Variants in EXD3 observed in about 807,000 individuals in gnomAD.
The protein encoded by EXD3 is exonuclease mut-7 homolog.
EXD3 carries 92 observed loss-of-function variants against 98.0 expected under a neutral mutation model. The observed-to-expected ratio is 0.94, with a 90% CI of 0.79 to 1.12. EXD3 has a LOEUF of 1.12. Ranked by LOEUF, EXD3 falls within the 50% of genes most tolerant of loss-of-function variation. The pLI is 0.00. For synonymous variants in EXD3, 569 were observed against 526.0 expected (o/e 1.08, Z -1.12); for missense variants, 1,222 against 1,191.6 (o/e 1.03, Z -0.38).
intron 1 of EXD3, among the ~76,000 whole-genome samples, chr9:137,415,546 T>C (rs1324555784): frequency 6.6e-6 from 1 of 152,190 alleles, no homozygotes; most frequent in African/African-American, 2.4e-5. Flanking sequence ...GTTTTAGCTC[T>C]GCGGCAAGCT....
intron 8 of EXD3, among the ~76,000 whole-genome samples, chr9:137,355,282 TC>T (rs1419539392): frequency 6.6e-6 from 1 of 151,974 alleles, no homozygotes; most frequent in Non-Finnish European, 1.5e-5. Context: ...TGAGCCCTTT[TC>T]CCCCAGGGTG....
chr9:137,339,186 A>G (rs1833525186), intron 17 of EXD3, among the ~76,000 whole-genome samples: 1 of 152,178 alleles, frequency 6.6e-6, no homozygotes, highest in Admixed American at 6.6e-5. Context: ...CTCCCCAAAG[A>G]AAACATCAGG....
At chr9:137,419,302 G>A (rs1363247885) in intron 1 of EXD3, among the ~76,000 whole-genome samples, 1 of 152,172 alleles carries the variant, frequency 6.6e-6, no homozygotes, top group African/African-American at 2.4e-5. Flanking sequence ...CCTGCCAATC[G>A]CGTCTTCACC....
At chr9:137,370,648 C>T (rs1271522602) in intron 5 of EXD3, among the ~76,000 whole-genome samples, 2 of 151,298 alleles carry the variant, frequency 1.3e-5, no homozygotes, top group Admixed American at 6.6e-5. Flanking sequence ...GTGGTATCGA[C>T]CATCGGGAAG....
At chr9:137,314,679 C>A (rs1831546990) in intron 19 of EXD3, among the ~76,000 whole-genome samples, 1 of 152,146 alleles carries the variant, frequency 6.6e-6, no homozygotes. Flanking sequence ...CAGCCGCTGC[C>A]CCGTCCCCTT....
Position 137,307,160 on chromosome 9 carries a change from G to A in EXD3, c.2421C>T (p.Asp807=), listed in dbSNP as rs375289849. Reference sequence around the variant, plus strand: ...CCCCTGCCAGCTGCAGCCGGGTGCCGTCGGCCAGCATGTCCGGTGTCTCCG... The same window carrying A: ...CCCCTGCCAGCTGCAGCCGGGTGCCATCGGCCAGCATGTCCGGTGTCTCCG... ...LRAETPDMLA[D]GTRLQLAGVP... is the part of the protein sequence containing the mutation. The change falls in exon 22 of 22, where the codon GAC becomes GAT. Residue 807 remains aspartate (D), a synonymous_variant. Coordinates refer to ENST00000340951, the MANE Select transcript of EXD3 (RefSeq NM_017820.5). 44 of 1,589,988 alleles carry A rather than the reference G, an allele frequency of 2.8e-5. No individual in the cohort carries two copies. The highest frequency in any genetic ancestry group is 1.7e-4 in the African/African-American group (13 of 74,408).
At chr9:137,422,125 A>AC (rs1838554095) in intron 1 of EXD3, among the ~76,000 whole-genome samples, 1 of 151,558 alleles carries the variant, frequency 6.6e-6, no homozygotes, top group African/African-American at 2.4e-5. Context: ...AAAAAAAAAA[A>AC]AAAAAAAAAC....
At chr9:137,412,826 G>A (rs566827096) in intron 1 of EXD3, among the ~76,000 whole-genome samples, 1 of 152,272 alleles carries the variant, frequency 6.6e-6, no homozygotes, top group East Asian at 1.9e-4. Flanking sequence ...CGCCCAGGAT[G>A]GAGTGCGGTG....
rs907669736 is a variant in EXD3, at chr9:137,385,017, G to A, written c.56-1640C>T. 6.6e-6 allele frequency among the ~76,000 whole-genome samples: 1 copy of A among 152,122 alleles called. No individual in the cohort carries two copies. Among genetic ancestry groups the A allele is most frequent in the African/African-American group, 2.4e-5 (1 of 41,448 alleles). On this transcript the variant is annotated intron_variant, in intron 2 of 21. Transcript: ENST00000340951. The surrounding 1 kb of genome is among the most constrained non-coding windows in gnomAD (Gnocchi z 4.4). ...TGAGGCAGGAGAACAGCATGAACCC[G>A]GGAGGCGGAGGTCGCAGTGAGCCGA...
At chr9:137,344,954 A>T (rs1833844360) in intron 17 of EXD3, among the ~76,000 whole-genome samples, 1 of 151,652 alleles carries the variant, frequency 6.6e-6, no homozygotes, top group African/African-American at 2.4e-5. Flanking sequence ...TGTACCTTCC[A>T]CTGTCTGGAG....
intron 14 of EXD3, among the ~76,000 whole-genome samples, chr9:137,350,450 G>A (rs1184733408): frequency 1.6e-4 from 20 of 121,556 alleles, no homozygotes; most frequent in Admixed American, 1.6e-3. Context: ...AGATAGAGAG[G>A]GGTGGGGATC....
At chr9:137,323,638 G>C (rs1340048099) in intron 19 of EXD3, 87 bp downstream of exon 19, 2 of 1,543,800 alleles carry the variant, frequency 1.3e-6, no homozygotes, top group Non-Finnish European at 1.8e-6. Flanking sequence ...ACCCACCACT[G>C]TCTAGGGTGG....
chr9:137,422,751 C>T (rs1368829606), intron 1 of EXD3, among the ~76,000 whole-genome samples: 1 of 152,056 alleles, frequency 6.6e-6, no homozygotes, highest in East Asian at 1.9e-4. Context: ...GGCGCGCGCG[C>T]GTCCCACCGG....
At chr9:137,381,522 C>T (rs563997773) in intron 3 of EXD3, among the ~76,000 whole-genome samples, 2 of 151,948 alleles carry the variant, frequency 1.3e-5, no homozygotes, top group African/African-American at 2.4e-5. Flanking sequence ...TCTGGGAGTG[C>T]GCCTACTCCA....
chr9:137,333,348 C>T (rs944142345), intron 17 of EXD3, among the ~76,000 whole-genome samples: 9 of 152,300 alleles, frequency 5.9e-5, no homozygotes, highest in Non-Finnish European at 1.2e-4. Flanking sequence ...TGAGACTTCA[C>T]CTTGTGATCC....
At position 137,399,874 on chromosome 9, in the gene EXD3, T is replaced by A. The variant is rs1210190398; in HGVS notation, c.-47-4470A>T. ...CAACATGGCGAAACCCTGTCTTTAC[T>A]AAAAATACAAAAAGCAGCCAGGCGT... On this transcript the variant is annotated intron_variant, in intron 1 of 21. Transcript: ENST00000340951. Among the ~76,000 whole-genome samples, 4 of 151,888 alleles carry A rather than the reference T, an allele frequency of 2.6e-5. No individual in the cohort carries two copies. The South Asian group carries it at 8.3e-4, about 31-fold the overall frequency.
chr9:137,394,508 G>C, intron 2 of EXD3, among the ~76,000 whole-genome samples: 1 of 129,112 alleles, frequency 7.7e-6, no homozygotes. Flanking sequence ...CCTAACCCCG[G>C]CCTCCCAGCC....
rs1301998464 is a variant in EXD3, at chr9:137,405,719, AG to A, written c.-47-10316del. Among the ~76,000 whole-genome samples, 4 of 152,238 alleles carry A rather than the reference AG, an allele frequency of 2.6e-5. No individual in the cohort carries two copies. The highest frequency in any genetic ancestry group is 9.6e-5 in the African/African-American group (4 of 41,460). ...TCTTACATCACATTGAAGTAGATCA[AG>A]TTCCTGATAAATGTTAGAGTTAGCC... is the stretch of plus-strand genomic sequence containing the variant. On this transcript the variant is annotated intron_variant, in intron 1 of 21. Transcript: ENST00000340951. This position sits in a 1 kb window ranked among gnomAD's most constrained non-coding sequence, Gnocchi z 4.1.
chr9:137,353,803 C>G (rs888949942), intron 10 of EXD3: 4 of 986,162 alleles, frequency 4.1e-6, no homozygotes, highest in Admixed American at 6.1e-5. Context: ...CCTGCACGAC[C>G]TCCCACCCCA....
Sources: allele counts gnomAD v4.1 joint callset (sites outside exome capture counted in the v4.1 genomes callset), GRCh38; gene constraint gnomAD v4.1.1; non-coding constraint Gnocchi (gnomAD v3.1); transcripts MANE v1.5; gene names NCBI Gene and HGNC (gene_info 2026-07-23, HGNC 2026-07-21).